GSE1: variants seen among roughly 807,000 people sequenced by gnomAD.
GSE1 encodes the protein genetic suppressor element 1.
A neutral mutation model predicts 112.6 loss-of-function variants in GSE1; 32 were observed. That is an observed-to-expected ratio of 0.28 (90% CI 0.21 to 0.38). The LOEUF is 0.38. Among genes scored for constraint, GSE1 ranks in the 10% least tolerant of loss-of-function variants. The probability of loss-of-function intolerance (pLI) is 1.00; values close to 1 mark genes in which losing one functional copy is unlikely to be tolerated. For missense variants in GSE1, 2,348 were observed against 1,699.2 expected (o/e 1.38, Z -6.71); for synonymous variants, 1,115 against 735.6 (o/e 1.52, Z -8.35).
At chr16:85,329,543 G>A (rs1272326380) in intron 1 of GSE1, among the ~76,000 whole-genome samples, 3 of 152,048 alleles carry the variant, frequency 2.0e-5, no homozygotes, top group Admixed American at 6.5e-5. Flanking sequence ...CTGGGTCTCC[G>A]CAGGCTGTGG....
intron 2 of GSE1, among the ~76,000 whole-genome samples, chr16:85,434,972 T>C (rs886348729): frequency 4.6e-5 from 7 of 152,232 alleles, no homozygotes; most frequent in African/African-American, 1.7e-4. Flanking sequence ...GCTTCGTGGC[T>C]GTGCAGCCTC....
At chr16:85,563,287 G>A (rs921850823) in intron 1 of GSE1, among the ~76,000 whole-genome samples, 2 of 151,340 alleles carry the variant, frequency 1.3e-5, no homozygotes, top group African/African-American at 2.4e-5. Flanking sequence ...TGGTTTGCTC[G>A]TAAAATTACT....
chr16:85,397,464 G>A (rs1356787201), intron 2 of GSE1, among the ~76,000 whole-genome samples: 1 of 152,212 alleles, frequency 6.6e-6, no homozygotes, highest in East Asian at 1.9e-4. Context: ...TGGAACATGT[G>A]GTCTCTGCTG....
At chr16:85,331,483 G>A (rs916248414) in intron 1 of GSE1, among the ~76,000 whole-genome samples, 1 of 132,166 alleles carries the variant, frequency 7.6e-6, no homozygotes, top group Non-Finnish European at 1.6e-5. Flanking sequence ...GTATATATGT[G>A]TATATATGTG....
At chr16:85,177,654 C>T (rs1242614747) in intron 1 of GSE1, among the ~76,000 whole-genome samples, 1 of 152,182 alleles carries the variant, frequency 6.6e-6, no homozygotes, top group Non-Finnish European at 1.5e-5. Flanking sequence ...CATGTCTGGA[C>T]TCTCTAGGAA....
chr16:85,359,048 C>T (rs901864350), intron 2 of GSE1, among the ~76,000 whole-genome samples: 3 of 152,138 alleles, frequency 2.0e-5, no homozygotes, highest in Non-Finnish European at 2.9e-5. Flanking sequence ...TTGTGACAGG[C>T]CTTGGCACCC....
At chr16:85,240,761 G>A (rs1476889361) in intron 1 of GSE1, among the ~76,000 whole-genome samples, 1 of 152,202 alleles carries the variant, frequency 6.6e-6, no homozygotes, top group Non-Finnish European at 1.5e-5. Flanking sequence ...TGTCAGAATG[G>A]GCGCTCAGGA....
chr16:85,519,509 G>GACCATCA (rs1362007047), intron 2 of GSE1, among the ~76,000 whole-genome samples: 2 of 752 alleles, frequency 2.7e-3, no homozygotes, highest in African/African-American at 0.016. Flanking sequence ...ACCATCACCG[G>GACCATCA]TCTCCATCAT....
chr16:85,672,130 C>G (rs1461106233), intron 15 of GSE1: 2 of 367,232 alleles, frequency 5.4e-6, no homozygotes, highest in African/African-American at 4.2e-5. Flanking sequence ...TCCCGAGTAG[C>G]TAGGATTACA....
At chr16:85,326,262 G>A (rs2046227010) in intron 1 of GSE1, among the ~76,000 whole-genome samples, 1 of 152,184 alleles carries the variant, frequency 6.6e-6, no homozygotes, top group Non-Finnish European at 1.5e-5. Flanking sequence ...CACCCGCCTG[G>A]TTTGAATCTC....
At chr16:85,556,737 A>C (rs2151265577) in intron 1 of GSE1, among the ~76,000 whole-genome samples, 6 of 129,290 alleles carry the variant, frequency 4.6e-5, no homozygotes, top group East Asian at 2.7e-4. Context: ...GGCCGCCCCG[A>C]TCGGGTAGCA....
At chr16:85,491,267 A>G (rs1331372102) in intron 2 of GSE1, among the ~76,000 whole-genome samples, 2 of 152,194 alleles carry the variant, frequency 1.3e-5, no homozygotes, top group Non-Finnish European at 2.9e-5. Context: ...GGGACCCAGG[A>G]TCAATCTGTT....
chr16:85,556,828 G>C (rs1400014507), intron 1 of GSE1, among the ~76,000 whole-genome samples: 1 of 147,438 alleles, frequency 6.8e-6, no homozygotes, highest in Admixed American at 6.6e-5. Context: ...CGCGAGCGTG[G>C]CTCGCCGGCC....
At chr16:85,463,806 C>T (rs1176943327) in intron 2 of GSE1, among the ~76,000 whole-genome samples, 1 of 152,100 alleles carries the variant, frequency 6.6e-6, no homozygotes, top group Non-Finnish European at 1.5e-5. Flanking sequence ...AGAGGGTGAG[C>T]GGGACTCTGA....
chr16:85,662,140 A>C (rs2052485170), intron 9 of GSE1, among the ~76,000 whole-genome samples: 1 of 152,144 alleles, frequency 6.6e-6, no homozygotes, highest in Non-Finnish European at 1.5e-5. Context: ...GGCTCCACAT[A>C]CAGGGCCGCT....
intron 1 of GSE1, among the ~76,000 whole-genome samples, chr16:85,565,120 G>C (rs1010846112): frequency 6.6e-6 from 1 of 152,080 alleles, no homozygotes; most frequent in African/African-American, 2.4e-5. Context: ...GGCCGGGCAC[G>C]GTGCCTCACG....
chr16:85,665,921 A>G (rs7195186), intron 12 of GSE1, 55 bp from the exon 13 acceptor site: 725,681 of 1,560,778 alleles, frequency 0.46, 172,342 homozygotes, highest in East Asian at 0.7. Flanking sequence ...CGTGCTGGAC[A>G]CTCAGCCTGT....
chr16:85,611,375 G>C (rs1555545058), upstream of GSE1: 1 of 663,666 alleles, frequency 1.5e-6, no homozygotes, highest in Non-Finnish European at 1.9e-6. Flanking sequence ...CGGCCAGTGC[G>C]GGTATAAATT....
At chr16:85,205,821 C>T (rs2075105167) in intron 1 of GSE1, among the ~76,000 whole-genome samples, 1 of 152,210 alleles carries the variant, frequency 6.6e-6, no homozygotes, top group South Asian at 2.1e-4. Context: ...CCCTGGATGA[C>T]CTTTCCAGGT....
Sources: gnomAD v4.1 joint callset for allele counts (sites outside exome capture counted in the v4.1 genomes callset) on GRCh38, gnomAD v4.1.1 for gene constraint, MANE v1.5 for transcripts, NCBI Gene and HGNC (gene_info 2026-07-23, HGNC 2026-07-21) for gene names.